REDIC1: variants seen among roughly 807,000 people sequenced by gnomAD.
REDIC1 encodes HEI10 Interacting Protein 1.
At chr12:39,767,905 T>G in the REDIC1 span, among the ~76,000 whole-genome samples, 1 of 152,118 alleles carries the variant, frequency 6.6e-6, no homozygotes. Flanking sequence ...TCCATGATTG[T>G]AAGTTTTCTG....
the REDIC1 span, chr12:39,716,843 G>T: frequency 6.4e-7 from 1 of 1,573,056 alleles, no homozygotes; most frequent in Non-Finnish European, 8.6e-7. Context: ...GATTTGGTAA[G>T]TGATGCTTGT....
At chr12:39,830,182 T>G in the REDIC1 span, 3 of 1,613,742 alleles carry the variant, frequency 1.9e-6, no homozygotes, top group Non-Finnish European at 2.5e-6. Context: ...TTGTTCATCT[T>G]GTAGCAGAAA....
At chr12:39,837,495 C>G in the REDIC1 span, among the ~76,000 whole-genome samples, 193 of 139,210 alleles carry the variant, frequency 1.4e-3, 2 homozygotes, top group Middle Eastern at 0.01. Context: ...CAAATGGGAT[C>G]TAATTAAACT....
chr12:39,807,264 A>G, the REDIC1 span, among the ~76,000 whole-genome samples: 2 of 152,196 alleles, frequency 1.3e-5, no homozygotes, highest in Non-Finnish European at 2.9e-5. Flanking sequence ...CCCTGTGGTA[A>G]CAGAACTATA....
chr12:39,644,782 A>T, the REDIC1 span, among the ~76,000 whole-genome samples: 1 of 151,930 alleles, frequency 6.6e-6, no homozygotes, highest in African/African-American at 2.4e-5. Flanking sequence ...TTCCTCATCC[A>T]TTGCTAGGTT....
At chr12:39,793,505 A>C in the REDIC1 span, among the ~76,000 whole-genome samples, 1 of 152,176 alleles carries the variant, frequency 6.6e-6, no homozygotes, top group African/African-American at 2.4e-5. Context: ...CAACAACATT[A>C]TTCCCATCTT....
the REDIC1 span, among the ~76,000 whole-genome samples, chr12:39,790,326 C>T: frequency 3.3e-5 from 5 of 149,678 alleles, no homozygotes; most frequent in African/African-American, 9.8e-5. Context: ...CCCACTAACG[C>T]GTCATCTAGC....
the REDIC1 span, among the ~76,000 whole-genome samples, chr12:39,685,628 T>G: frequency 2.0e-5 from 3 of 152,012 alleles, no homozygotes; most frequent in Admixed American, 6.6e-5. Flanking sequence ...AAACCATATC[T>G]TTCCACCCCC....
At chr12:39,646,164 A>C in the REDIC1 span, among the ~76,000 whole-genome samples, 1 of 151,978 alleles carries the variant, frequency 6.6e-6, no homozygotes, top group Non-Finnish European at 1.5e-5. Context: ...AAAGTCTCTG[A>C]TAGTTGTTTA....
chr12:39,830,342 C>T, the REDIC1 span: 2 of 1,469,944 alleles, frequency 1.4e-6, no homozygotes, highest in Non-Finnish European at 9.0e-7. Flanking sequence ...AAGCTTGGGG[C>T]CTTGGGACTT....
the REDIC1 span, among the ~76,000 whole-genome samples, chr12:39,640,113 A>G: frequency 1.3e-5 from 2 of 150,272 alleles, no homozygotes; most frequent in African/African-American, 4.9e-5. Context: ...TCTTTCCCCC[A>G]AGTTCATATG....
chr12:39,750,048 G>A, the REDIC1 span, among the ~76,000 whole-genome samples: 3 of 152,226 alleles, frequency 2.0e-5, no homozygotes, highest in Admixed American at 1.3e-4. Context: ...ATTCAAGATA[G>A]TGTTGGAAGT....
the REDIC1 span, among the ~76,000 whole-genome samples, chr12:39,892,162 A>G: frequency 6.6e-6 from 1 of 152,330 alleles, no homozygotes; most frequent in South Asian, 2.1e-4. Context: ...TGTAAGTAAT[A>G]AAAAGAGCTT....
chr12:39,632,082 A>C, the REDIC1 span, among the ~76,000 whole-genome samples: 1 of 151,296 alleles, frequency 6.6e-6, no homozygotes, highest in Non-Finnish European at 1.5e-5. Context: ...TAACTTGAGA[A>C]ATAAGTTTAT....
At chr12:39,745,015 T>G in the REDIC1 span, among the ~76,000 whole-genome samples, 18 of 152,158 alleles carry the variant, frequency 1.2e-4, no homozygotes, top group Non-Finnish European at 2.2e-4. Context: ...CTAACACTAA[T>G]CAAAACTAAG....
the REDIC1 span, among the ~76,000 whole-genome samples, chr12:39,825,206 C>G: frequency 1.9e-3 from 287 of 152,100 alleles, 2 homozygotes; most frequent in African/African-American, 6.5e-3. Context: ...ATTAGCAATA[C>G]TATTTTAAAT....
At chr12:39,861,153 G>A in the REDIC1 span, among the ~76,000 whole-genome samples, 2 of 152,108 alleles carry the variant, frequency 1.3e-5, no homozygotes, top group African/African-American at 4.8e-5. Flanking sequence ...TCTTTTAAGA[G>A]CTCAGTACAA....
the REDIC1 span, among the ~76,000 whole-genome samples, chr12:39,896,483 T>C: frequency 2.7e-5 from 4 of 148,164 alleles, no homozygotes; most frequent in South Asian, 2.1e-4. Flanking sequence ...TGTATATGTG[T>C]ATATATGTAC....
the REDIC1 span, among the ~76,000 whole-genome samples, chr12:39,681,276 C>A: frequency 4.6e-5 from 7 of 152,046 alleles, no homozygotes; most frequent in African/African-American, 7.2e-5. Flanking sequence ...CCATCTCCCA[C>A]ACACACAAAA....
Sources: gnomAD v4.1 joint callset for allele counts (sites outside exome capture counted in the v4.1 genomes callset) on GRCh38, gnomAD v4.1.1 for gene constraint, MANE v1.5 for transcripts, NCBI Gene and HGNC (gene_info 2026-07-23, HGNC 2026-07-21) for gene names.